The following HECW1 variants were observed in gnomAD, a reference collection of about 807,000 sequenced individuals.
HECW1 encodes the protein E3 ubiquitin-protein ligase HECW1.
HECW1 carries 61 observed loss-of-function variants against 182.3 expected under a neutral mutation model. That is an observed-to-expected ratio of 0.33 (90% CI 0.27 to 0.41). HECW1 has a LOEUF of 0.41. Ranked by LOEUF, HECW1 falls within the 10% of genes least tolerant of loss-of-function variation. The probability of loss-of-function intolerance (pLI) is 1.00; values close to 1 mark genes in which losing one functional copy is unlikely to be tolerated. For missense variants in HECW1, 1,739 were observed against 2,108.9 expected (o/e 0.82, Z 3.44); for synonymous variants, 859 against 832.6 (o/e 1.03, Z -0.55).
intron 2 of HECW1, chr7:43,147,367 A>G (rs1380335321): frequency 6.6e-6 from 1 of 152,160 alleles, no homozygotes; most frequent in African/African-American, 2.4e-5. Flanking sequence ...CCTTTGCTTG[A>G]AGAAACATGA....
At chr7:43,399,918 C>A (rs542559338) in intron 7 of HECW1, among the ~76,000 whole-genome samples, 1 of 152,242 alleles carries the variant, frequency 6.6e-6, no homozygotes, top group South Asian at 2.1e-4. Context: ...GGACAAAAAG[C>A]AAATACTGTT....
intron 6 of HECW1, among the ~76,000 whole-genome samples, chr7:43,362,913 C>T (rs1816148726): frequency 6.6e-6 from 1 of 152,272 alleles, no homozygotes. Context: ...GGCCTGTTGG[C>T]TCAAGGCTCG....
chr7:43,535,069 C>T (rs1022826352), intron 24 of HECW1, among the ~76,000 whole-genome samples: 1 of 152,198 alleles, frequency 6.6e-6, no homozygotes, highest in Non-Finnish European at 1.5e-5. Context: ...CCCAAAGTCA[C>T]ACAGGTCACA....
intron 5 of HECW1, among the ~76,000 whole-genome samples, chr7:43,335,095 G>A (rs1162030406): frequency 6.6e-6 from 1 of 152,098 alleles, no homozygotes; most frequent in East Asian, 1.9e-4. Context: ...TTTCAGAAGG[G>A]GAAGAGTAGA....
chr7:43,493,330 C>T (rs2079003198), intron 19 of HECW1, 150 bp downstream of exon 19: 5 of 559,848 alleles, frequency 8.9e-6, no homozygotes, highest in South Asian at 2.5e-5. Context: ...ATGAAGGGTT[C>T]GGGGTTCCTG....
chr7:43,438,251 G>T, intron 9 of HECW1, 106 bp downstream of exon 9: 2 of 894,108 alleles, frequency 2.2e-6, no homozygotes, highest in East Asian at 2.6e-5. Flanking sequence ...GAGTCAAAAT[G>T]GTATCATTAT....
At chr7:43,198,741 C>G (rs1347509806) in intron 2 of HECW1, among the ~76,000 whole-genome samples, 1 of 151,050 alleles carries the variant, frequency 6.6e-6, no homozygotes. Flanking sequence ...ACACCCCACA[C>G]TCTCACACAC....
At chr7:43,223,616 T>C (rs1026716520) in intron 2 of HECW1, among the ~76,000 whole-genome samples, 1 of 150,436 alleles carries the variant, frequency 6.6e-6, no homozygotes, top group South Asian at 2.1e-4. Context: ...CAAAACTCCG[T>C]CTCAAAAAAA....
At chr7:43,479,495 G>A (rs1310821535) in intron 16 of HECW1, 115 bp from the exon 17 acceptor site, 2 of 1,238,272 alleles carry the variant, frequency 1.6e-6, no homozygotes, top group African/African-American at 3.0e-5. Flanking sequence ...GGGTAGGGGA[G>A]GCTGGGCAGA....
chr7:43,307,285 A>G (rs752792800), intron 3 of HECW1, among the ~76,000 whole-genome samples: 3 of 152,228 alleles, frequency 2.0e-5, no homozygotes, highest in Non-Finnish European at 2.9e-5. Flanking sequence ...TATTGCTGAT[A>G]TTCTTGTGGT....
chr7:43,219,954 T>G (rs926662237), intron 2 of HECW1, among the ~76,000 whole-genome samples: 7 of 152,012 alleles, frequency 4.6e-5, no homozygotes, highest in Admixed American at 2.0e-4. Context: ...TCCAGTGTGG[T>G]GCTGCTGGGG....
chr7:43,372,118 G>A (rs547357833), intron 6 of HECW1, among the ~76,000 whole-genome samples: 7 of 152,194 alleles, frequency 4.6e-5, no homozygotes, highest in South Asian at 2.1e-4. Flanking sequence ...CACCAAGCCC[G>A]GCCTCAATAT....
At chr7:43,174,027 G>T (rs976990238) in intron 2 of HECW1, among the ~76,000 whole-genome samples, 1 of 152,082 alleles carries the variant, frequency 6.6e-6, no homozygotes, top group Non-Finnish European at 1.5e-5. Flanking sequence ...TTCTTGTAGA[G>T]ACAATGTCTT....
chr7:43,415,120 G>C (rs1442715631), intron 8 of HECW1, among the ~76,000 whole-genome samples: 1 of 148,950 alleles, frequency 6.7e-6, no homozygotes, highest in Non-Finnish European at 1.5e-5. Flanking sequence ...TTTCTTCCTA[G>C]TCTCGATGGT....
chr7:43,556,507 C>G (rs890727637), intron 29 of HECW1, among the ~76,000 whole-genome samples: 4 of 152,014 alleles, frequency 2.6e-5, no homozygotes, highest in African/African-American at 4.8e-5. Context: ...GGCAACAGGA[C>G]AAGACCTCGT....
At chr7:43,175,133 G>T (rs1003170558) in intron 2 of HECW1, among the ~76,000 whole-genome samples, 1 of 151,260 alleles carries the variant, frequency 6.6e-6, no homozygotes, top group African/African-American at 2.4e-5. Context: ...AGTTTTTGTT[G>T]GATTTCATGT....
intron 3 of HECW1, among the ~76,000 whole-genome samples, chr7:43,244,162 C>G (rs1799146005): frequency 6.6e-6 from 1 of 152,124 alleles, no homozygotes; most frequent in South Asian, 2.1e-4. Flanking sequence ...CATGTGGAGT[C>G]CTCCTTGTGT....
intron 2 of HECW1, among the ~76,000 whole-genome samples, chr7:43,203,654 C>T (rs780930155): frequency 9.2e-5 from 14 of 152,104 alleles, no homozygotes; most frequent in East Asian, 1.9e-4. Flanking sequence ...GACAGGGTTT[C>T]GCCATATTGG....
chr7:43,546,219 C>CA (rs2081554942), intron 26 of HECW1, among the ~76,000 whole-genome samples: 2 of 91,874 alleles, frequency 2.2e-5, no homozygotes, highest in African/African-American at 8.3e-5. Context: ...TACCCCCAAC[C>CA]TTTTTTTTTT....
Sources: gnomAD v4.1 joint callset for allele counts (sites outside exome capture counted in the v4.1 genomes callset) on GRCh38, gnomAD v4.1.1 for gene constraint, MANE v1.5 for transcripts, NCBI Gene and HGNC (gene_info 2026-07-23, HGNC 2026-07-21) for gene names.